BCL11B: variants seen among roughly 807,000 people sequenced by gnomAD.
BCL11B encodes the protein BCL11 transcription factor B.
A neutral mutation model predicts 49.9 loss-of-function variants in BCL11B; 8 were observed. The ratio of observed to expected loss-of-function variants is 0.16; its 90% CI spans 0.09 to 0.29. BCL11B has a LOEUF of 0.29. BCL11B is among the 10% of genes least tolerant of loss of function. The probability of loss-of-function intolerance (pLI) is 1.00; values close to 1 mark genes in which losing one functional copy is unlikely to be tolerated. For missense variants in BCL11B, 1,006 were observed against 1,351.0 expected, an observed-to-expected ratio of 0.74 and a Z score of 4.00; for synonymous variants, 739 against 637.4, an observed-to-expected ratio of 1.16 and a Z score of -2.40.
chr14:99,271,266 G>A lies in BCL11B; in HGVS notation c.-48C>T, dbSNP rs1159758580. 7.8e-7 allele frequency: 1 copy of A among 1,286,986 alleles called. No individual in the cohort carries two copies. The highest frequency in any genetic ancestry group is 2.9e-5 in the South Asian group (1 of 34,834). 79.7% of individuals were successfully genotyped at this position (1,286,986 alleles called of 1,614,324 possible). ...TCGCCCGGAGAGCTGCACTGATGGG[G>A]GGAGCCGGGGGAGGGGGTCCGAGCC... On this transcript the variant is annotated 5_prime_UTR_variant, in exon 1 of 4. Coordinates refer to ENST00000357195, the MANE Select transcript of BCL11B (RefSeq NM_138576.4).
chr14:99,188,300 G>A (rs1464830248), intron 3 of BCL11B, among the ~76,000 whole-genome samples: 1 of 152,122 alleles, frequency 6.6e-6, no homozygotes, highest in Non-Finnish European at 1.5e-5. Flanking sequence ...CTTATGAATG[G>A]GGGGAACACT....
At chr14:99,200,691 A>G (rs1305741951) in intron 3 of BCL11B, among the ~76,000 whole-genome samples, 1 of 152,242 alleles carries the variant, frequency 6.6e-6, no homozygotes, top group East Asian at 1.9e-4. Flanking sequence ...CCCCATGGCC[A>G]CATGTCCCTG....
rs1888658610 is a variant in BCL11B at position 99,241,178 on chromosome 14, T to A, written c.428-9621A>T. 6.6e-6 allele frequency among the ~76,000 whole-genome samples: 1 copy of A among 152,100 alleles called. No homozygotes were observed. Among genetic ancestry groups the A allele is most frequent in the South Asian group, 2.1e-4 (1 of 4,826 alleles). ...TGCCACTTACTTGGTTTTGAAACTG[T>A]TTTTTTATTATTTTTTTTAAATCTA... On this transcript the variant is annotated intron_variant, in intron 2 of 3. Coordinates refer to ENST00000357195, the MANE Select transcript of BCL11B (RefSeq NM_138576.4). The surrounding 1 kb of genome is among the most constrained non-coding windows in gnomAD (Gnocchi z 4.4).
chr14:99,269,831 G>A (rs1421690713), intron 1 of BCL11B, among the ~76,000 whole-genome samples: 2 of 131,478 alleles, frequency 1.5e-5, no homozygotes, highest in Non-Finnish European at 3.1e-5. Context: ...TAACCTGCCC[G>A]CGGTCTCGAT....
intron 3 of BCL11B, among the ~76,000 whole-genome samples, chr14:99,187,988 C>G (rs980959123): frequency 6.6e-6 from 1 of 152,098 alleles, no homozygotes; most frequent in Non-Finnish European, 1.5e-5. Flanking sequence ...GCCTCGATAC[C>G]GAGTTATATA....
At chr14:99,214,703 G>A (rs1887782242) in intron 3 of BCL11B, among the ~76,000 whole-genome samples, 1 of 151,970 alleles carries the variant, frequency 6.6e-6, no homozygotes, top group South Asian at 2.1e-4. Flanking sequence ...AACAGGATGA[G>A]CATCTGGATG....
chr14:99,194,770 C>T lies in BCL11B; in HGVS notation c.641-18575G>A, dbSNP rs771187452. On this transcript the variant is annotated intron_variant, in intron 3 of 3. Coordinates refer to ENST00000357195, the MANE Select transcript of BCL11B (RefSeq NM_138576.4). The surrounding 1 kb of genome is among the most constrained non-coding windows in gnomAD (Gnocchi z 4.6). Reference sequence around the variant, plus strand: ...GACTTGGCTCAAAAGCAGTCTCAACCGTGGAGCAGACGGCCTTCGATAATA... The same window carrying T: ...GACTTGGCTCAAAAGCAGTCTCAACTGTGGAGCAGACGGCCTTCGATAATA... Among the ~76,000 whole-genome samples the T allele has an allele frequency of 5.3e-5, 8 of 152,314 alleles. No individual in the cohort carries two copies. In the East Asian group the frequency reaches 5.8e-4, roughly 11 times the overall value.
chr14:99,190,332 C>CA (rs1241736365), intron 3 of BCL11B, among the ~76,000 whole-genome samples: 6 of 152,132 alleles, frequency 3.9e-5, no homozygotes, highest in African/African-American at 7.2e-5. Context: ...ACTAAAAATA[C>CA]AAAAAAACTA....
At chr14:99,183,847 G>A (rs766834480) in intron 3 of BCL11B, among the ~76,000 whole-genome samples, 14 of 151,636 alleles carry the variant, frequency 9.2e-5, no homozygotes, top group Non-Finnish European at 1.8e-4. Flanking sequence ...CCCCTCCAGA[G>A]AGCAGGGCTC....
chr14:99,174,818 G>A lies in BCL11B; in HGVS notation c.2018C>T (p.Pro673Leu). 1.4e-6 allele frequency: 2 copies of A among 1,384,016 alleles called. No homozygotes were observed. The highest frequency in any genetic ancestry group is 1.9e-6 in the Non-Finnish European group (2 of 1,069,204). The allele number at this position is 1,384,016 out of a possible 1,614,324, so 85.7% of individuals were successfully genotyped here. Residue 673 changes from proline to leucine, a missense_variant, in exon 4 of 4, where the codon CCC (proline) becomes CTC (leucine). This residue lies in a region of BCL11B where 443 missense variants were observed against 499.7 expected (regional missense o/e 0.89). Transcript: ENST00000357195. ...GAGCCCGGGGCTGGGCAGCGGCGCG[G>A]GCTTGCGCGGGAAGAGCCCGGGGAA... is the stretch of plus-strand genomic sequence containing the variant. ...EPFPGLFPRK[P>L]APLPSPGLNS...
rs114855775 is a variant in BCL11B, at chr14:99,205,927, G to A, written c.640+25418C>T. On this transcript the variant is annotated intron_variant, in intron 3 of 3. Coordinates refer to ENST00000357195, the MANE Select transcript of BCL11B (RefSeq NM_138576.4). The surrounding 1 kb of genome is among the most constrained non-coding windows in gnomAD (Gnocchi z 5.0). ...GTTAGCTCCAAAGAGGCAGCCCTTC[G>A]TAGCCAGGGGTTGGGAGGGGAGTCT... Among the ~76,000 whole-genome samples the A allele has an allele frequency of 1.2e-3, 190 of 152,252 alleles. No individual in the cohort carries two copies. Among genetic ancestry groups the A allele is most frequent in the African/African-American group, 4.5e-3 (186 of 41,536 alleles).
At chr14:99,261,945 A>T (rs1277486302) in intron 1 of BCL11B, among the ~76,000 whole-genome samples, 1 of 152,156 alleles carries the variant, frequency 6.6e-6, no homozygotes, top group African/African-American at 2.4e-5. Flanking sequence ...TTTATTTACA[A>T]GGCCAGGCCT....
chr14:99,208,074 G>A (rs1025772993), intron 3 of BCL11B, among the ~76,000 whole-genome samples: 10 of 152,298 alleles, frequency 6.6e-5, no homozygotes, highest in South Asian at 4.1e-4. Context: ...GGGTGGTAGC[G>A]GACACAGGGC....
In BCL11B at chr14:99,173,314, C is replaced by T. The variant is rs1886350442; in HGVS notation, c.*837G>A. ...CCTCAGAATGCTGTCGGGCCATTTC[C>T]CAGAGGAGCCCTCCAAAAACCCTAT... is the stretch of plus-strand genomic sequence containing the variant. On this transcript the variant is annotated 3_prime_UTR_variant, in exon 4 of 4. Transcript: ENST00000357195. The T allele has an allele frequency of 1.4e-5, 3 of 221,926 alleles. No individual in the cohort carries two copies. The highest frequency in any genetic ancestry group is 6.7e-5 in the African/African-American group (3 of 44,720). 13.7% of individuals were successfully genotyped at this position (221,926 alleles called of 1,614,324 possible).
At chr14:99,249,826 A>G (rs1411817281) in intron 2 of BCL11B, among the ~76,000 whole-genome samples, 1 of 152,142 alleles carries the variant, frequency 6.6e-6, no homozygotes, top group East Asian at 1.9e-4. Flanking sequence ...TCTAGTAAGT[A>G]TGAGTTAAAT....
intron 2 of BCL11B, among the ~76,000 whole-genome samples, chr14:99,252,145 C>T (rs1276417456): frequency 3.3e-5 from 5 of 152,190 alleles, no homozygotes; most frequent in African/African-American, 1.2e-4. Context: ...AGCCCAGGGC[C>T]ATGTCCCTCA....
In BCL11B at chr14:99,231,244, G is replaced by A; in HGVS notation, c.640+101C>T. 1 of 1,304,206 alleles carries A rather than the reference G, an allele frequency of 7.7e-7. No individual in the cohort carries two copies. The highest frequency in any genetic ancestry group is 1.1e-6 in the Non-Finnish European group (1 of 949,174). 80.8% of individuals were successfully genotyped at this position (1,304,206 alleles called of 1,614,324 possible). On this transcript the variant is annotated intron_variant, in intron 3 of 3. Coordinates refer to ENST00000357195, the MANE Select transcript of BCL11B (RefSeq NM_138576.4). The surrounding 1 kb of genome is among the most constrained non-coding windows in gnomAD (Gnocchi z 8.1). ...GCACCCCAAAAAGCCTTCTGGGTGG[G>A]AGCTGCCCTTCCTCCCTGGGTCCCC...
intron 3 of BCL11B, among the ~76,000 whole-genome samples, chr14:99,199,705 C>T (rs1316988450): frequency 0.028 from 1,906 of 68,028 alleles, 25 homozygotes; most frequent in African/African-American, 0.036. Flanking sequence ...CGCACGTGCA[C>T]GTGTGTGCGT....
intron 2 of BCL11B, among the ~76,000 whole-genome samples, chr14:99,235,708 A>G (rs1888476625): frequency 1.3e-5 from 2 of 148,366 alleles, no homozygotes; most frequent in African/African-American, 2.5e-5. Context: ...TGGGGGAAGG[A>G]CAGCGGGGGG....
Sources: allele counts gnomAD v4.1 joint callset (sites outside exome capture counted in the v4.1 genomes callset), GRCh38; gene constraint gnomAD v4.1.1; regional missense constraint gnomAD v4.1.1; non-coding constraint Gnocchi (gnomAD v3.1); transcripts MANE v1.5; gene names NCBI Gene and HGNC (gene_info 2026-07-23, HGNC 2026-07-21).